Variants in SDHAF4 observed in about 807,000 individuals in gnomAD.
SDHAF4 encodes succinate dehydrogenase assembly factor 4, mitochondrial.
SDHAF4 carries 14 observed loss-of-function variants against 14.3 expected under a neutral mutation model. The ratio of observed to expected loss-of-function variants is 0.98; its 90% CI spans 0.65 to 1.53. The LOEUF (loss-of-function observed/expected upper bound fraction) is 1.53. Ranked by LOEUF, SDHAF4 falls within the 40% of genes most tolerant of loss-of-function variation. SDHAF4 has a pLI of 0.00. For missense variants in SDHAF4, 141 were observed against 129.3 expected (o/e 1.09, Z -0.44); for synonymous variants, 63 against 47.3 (o/e 1.33, Z -1.36).
At chr6:70,590,843 A>G (rs750543769), downstream of SDHAF4, among the ~76,000 whole-genome samples, 36 of 152,194 alleles carry the variant, frequency 2.4e-4, no homozygotes, top group Non-Finnish European at 4.0e-4. Context: ...GAGAAGTCCC[A>G]TGATAATGCC....
At chr6:70,595,089 A>G in the SDHAF4 span, among the ~76,000 whole-genome samples, 1 of 152,100 alleles carries the variant, frequency 6.6e-6, no homozygotes, top group Non-Finnish European at 1.5e-5. Context: ...TGGCATTTTG[A>G]TAAGTGGGTC....
intron 2 of SDHAF4, among the ~76,000 whole-genome samples, chr6:70,582,210 C>T (rs2128535438): frequency 6.6e-6 from 1 of 152,168 alleles, no homozygotes; most frequent in African/African-American, 2.4e-5. Context: ...TACAGGCACG[C>T]ACCACCACAC....
At chr6:70,570,112 G>A (rs561161870) in intron 1 of SDHAF4, among the ~76,000 whole-genome samples, 2 of 152,074 alleles carry the variant, frequency 1.3e-5, no homozygotes, top group Admixed American at 6.5e-5. Context: ...GTCTATTCCT[G>A]TGCTGATACT....
At chr6:70,578,752 TG>T (rs1802286126) in intron 1 of SDHAF4, among the ~76,000 whole-genome samples, 1 of 152,216 alleles carries the variant, frequency 6.6e-6, no homozygotes, top group South Asian at 2.1e-4. Context: ...AGTTAATTTT[TG>T]TATGTGGTGA....
At chr6:70,571,118 G>A (rs1391839662) in intron 1 of SDHAF4, among the ~76,000 whole-genome samples, 1 of 151,912 alleles carries the variant, frequency 6.6e-6, no homozygotes, top group African/African-American at 2.4e-5. Context: ...TTATGTATTT[G>A]TATTTGTTTT....
intron 1 of SDHAF4, among the ~76,000 whole-genome samples, chr6:70,571,626 A>G (rs1056096617): frequency 1.3e-5 from 2 of 152,112 alleles, no homozygotes; most frequent in Non-Finnish European, 2.9e-5. Context: ...CCTGGTTTTA[A>G]TATTAAGGTT....
chr6:70,582,530 G>A (rs915641708), intron 2 of SDHAF4, among the ~76,000 whole-genome samples: 3 of 151,980 alleles, frequency 2.0e-5, no homozygotes, highest in South Asian at 2.1e-4. Flanking sequence ...TAAAGTCATC[G>A]TGTACCCATT....
chr6:70,593,688 T>G (rs35724342), downstream of SDHAF4, among the ~76,000 whole-genome samples: 37,903 of 151,576 alleles, frequency 0.25, 5,123 homozygotes, highest in African/African-American at 0.36. Context: ...TCAAGGGTTT[T>G]TTTTTGTGTG....
intron 1 of SDHAF4, among the ~76,000 whole-genome samples, chr6:70,568,004 A>G (rs947754685): frequency 6.6e-5 from 10 of 152,238 alleles, no homozygotes; most frequent in South Asian, 4.1e-4. Context: ...TAATTTTAAT[A>G]TATGACACCT....
chr6:70,571,496 G>A (rs1802177522), intron 1 of SDHAF4, among the ~76,000 whole-genome samples: 1 of 152,138 alleles, frequency 6.6e-6, no homozygotes, highest in Non-Finnish European at 1.5e-5. Flanking sequence ...TGTATTTTTA[G>A]TAGAGACAGG....
chr6:70,597,299 A>ATTTTT, the SDHAF4 span, among the ~76,000 whole-genome samples: 11,975 of 107,538 alleles, frequency 0.11, 814 homozygotes, highest in African/African-American at 0.13. Flanking sequence ...CGCCTGGCTA[A>ATTTTT]TTTTTTTTTT....
At chr6:70,568,003 T>C (rs893456114) in intron 1 of SDHAF4, among the ~76,000 whole-genome samples, 2 of 152,216 alleles carry the variant, frequency 1.3e-5, no homozygotes, top group African/African-American at 4.8e-5. Flanking sequence ...ATAATTTTAA[T>C]ATATGACACC....
At chr6:70,568,962 C>CTTT (rs5877254) in intron 1 of SDHAF4, among the ~76,000 whole-genome samples, 2,303 of 97,866 alleles carry the variant, frequency 0.024, 105 homozygotes, top group Non-Finnish European at 0.025. Context: ...TTTCTTTTTT[C>CTTT]TTTTTTTTTT....
At chr6:70,583,197 C>G (rs1765154978) in intron 2 of SDHAF4, among the ~76,000 whole-genome samples, 1 of 152,206 alleles carries the variant, frequency 6.6e-6, no homozygotes, top group Non-Finnish European at 1.5e-5. Context: ...ACCGCAACCT[C>G]CGCCTCCCGG....
rs1213542574 is a variant in SDHAF4 at position 70,588,684 on chromosome 6, A to G, written c.287A>G (p.Tyr96Cys). 6.2e-7 allele frequency: 1 copy of G among 1,606,404 alleles called. No homozygotes were observed. Among genetic ancestry groups the G allele is most frequent in the Non-Finnish European group, 8.5e-7 (1 of 1,174,792 alleles). ...CCCAGGGGCCCAGAACCTACCCGAT[A>G]TGGAGATTGGGAACGAAAAGGACGC... ...GGPRGPEPTR[Y>C]GDWERKGRCI... The change falls in exon 3 of 3, where the codon TAT (tyrosine) becomes TGT (cysteine). Residue 96 changes from tyrosine (Y) to cysteine (C), a missense_variant. Coordinates refer to ENST00000370474, the MANE Select transcript of SDHAF4 (RefSeq NM_145267.3).
chr6:70,570,530 C>T (rs1266675045), intron 1 of SDHAF4, among the ~76,000 whole-genome samples: 3 of 152,026 alleles, frequency 2.0e-5, no homozygotes, highest in Admixed American at 6.6e-5. Context: ...GCCATGTTAG[C>T]CAAGTGATCC....
chr6:70,570,577 G>A (rs891463945), intron 1 of SDHAF4, among the ~76,000 whole-genome samples: 2 of 151,904 alleles, frequency 1.3e-5, no homozygotes, highest in African/African-American at 4.8e-5. Flanking sequence ...TGGGATTACA[G>A]GCGAGAGCCA....
intron 1 of SDHAF4, among the ~76,000 whole-genome samples, chr6:70,569,524 G>C (rs375716546): frequency 5.5e-4 from 84 of 152,310 alleles, no homozygotes; most frequent in African/African-American, 2.0e-3. Flanking sequence ...GATTACAGGC[G>C]TGAGCTGCCA....
At chr6:70,570,938 C>T (rs1160418353) in intron 1 of SDHAF4, among the ~76,000 whole-genome samples, 1 of 151,702 alleles carries the variant, frequency 6.6e-6, no homozygotes, top group Non-Finnish European at 1.5e-5. Flanking sequence ...TTTACATTTA[C>T]TTACAGGATT....
Sources: allele counts gnomAD v4.1 joint callset (sites outside exome capture counted in the v4.1 genomes callset), GRCh38; gene constraint gnomAD v4.1.1; transcripts MANE v1.5; gene names NCBI Gene and HGNC (gene_info 2026-07-23, HGNC 2026-07-21).